KLHL23: variants seen among roughly 807,000 people sequenced by gnomAD.
The protein encoded by KLHL23 is kelch-like protein 23.
A neutral mutation model predicts 48.9 loss-of-function variants in KLHL23; 33 were observed. The observed-to-expected ratio is 0.67, with a 90% confidence interval of 0.51 to 0.90. The LOEUF (loss-of-function observed/expected upper bound fraction) is 0.90. Among genes scored for constraint, KLHL23 ranks in the 40% least tolerant of loss-of-function variants. The pLI is 0.00. For synonymous variants in KLHL23, 234 were observed against 231.6 expected, an observed-to-expected ratio of 1.01 and a Z score of -0.09; for missense variants, 608 against 669.6, an observed-to-expected ratio of 0.91 and a Z score of 1.02.
At chr2:169,734,863 A>G in intron 1 of KLHL23, 150 bp from the exon 2 acceptor site, 1 of 1,065,940 alleles carries the variant, frequency 9.4e-7, no homozygotes, top group Non-Finnish European at 1.3e-6. Flanking sequence ...AAATGATCAA[A>G]CAGTCCATCC....
At position 169,749,231 on chromosome 2, in the gene KLHL23, C is replaced by T. The variant is rs180908521; in HGVS notation, c.1367-191C>T. 7.1e-4 allele frequency among the ~76,000 whole-genome samples: 108 copies of T among 152,178 alleles called. 3 individuals carry two copies. The South Asian group carries it at 0.022, about 31-fold the overall frequency. On this transcript the variant is annotated intron_variant, in intron 3 of 3. Coordinates refer to ENST00000392647, the MANE Select transcript of KLHL23 (RefSeq NM_144711.6). ...ATAATGGCAGCATGGCAGGAACAGG[C>T]GATCTGAATTAGGTGACAGGGAATG...
intron 2 of KLHL23, among the ~76,000 whole-genome samples, chr2:169,736,470 A>G (rs1688520494): frequency 6.6e-6 from 1 of 152,150 alleles, no homozygotes; most frequent in African/African-American, 2.4e-5. Flanking sequence ...ACAGTTTTTC[A>G]TTTTTTCATG....
At chr2:169,736,786 T>C (rs1688530253) in intron 2 of KLHL23, among the ~76,000 whole-genome samples, 1 of 152,194 alleles carries the variant, frequency 6.6e-6, no homozygotes, top group Non-Finnish European at 1.5e-5. Context: ...TTGCTCTCCT[T>C]CTCTCCCACT....
intron 3 of KLHL23, among the ~76,000 whole-genome samples, chr2:169,743,846 A>G (rs1047928031): frequency 6.6e-6 from 1 of 152,228 alleles, no homozygotes; most frequent in Non-Finnish European, 1.5e-5. Context: ...AAGGCTGTGC[A>G]TCTGCATCCA....
Position 169,749,548 on chromosome 2 carries a change from G to A in KLHL23, c.1493G>A (p.Arg498Lys), listed in dbSNP as rs1419047718. The A allele has an allele frequency of 1.9e-6, 3 of 1,614,002 alleles. No homozygotes were observed. Among genetic ancestry groups the A allele is most frequent in the African/African-American group, 2.7e-5 (2 of 74,880 alleles). ...WREIAPMMER[R>K]MECGAVIMNG... is the part of the protein sequence containing the mutation. ...GAGATAGCTCCCATGATGGAAAGGAGGATGGAGTGCGGTGCCGTCATCATG... is the reference window on the plus strand; with the variant it reads ...GAGATAGCTCCCATGATGGAAAGGAAGATGGAGTGCGGTGCCGTCATCATG... The change falls in exon 4 of 4, where the codon AGG (arginine) becomes AAG (lysine). Residue 498 changes from arginine (R) to lysine (K), a missense_variant. By Grantham distance (26) the Arg-to-Lys change is conservative. Transcript: ENST00000392647.
chr2:169,741,867 A>T (rs1688684256), intron 3 of KLHL23, among the ~76,000 whole-genome samples: 1 of 152,234 alleles, frequency 6.6e-6, no homozygotes. Context: ...TACAATGTTC[A>T]TAAGTAGTTG....
At chr2:169,737,660 G>A (rs1365292535) in intron 2 of KLHL23, among the ~76,000 whole-genome samples, 1 of 150,296 alleles carries the variant, frequency 6.7e-6, no homozygotes, top group East Asian at 1.9e-4. Flanking sequence ...TGTCTCCCAG[G>A]CTGGAATGCA....
At chr2:169,741,701 T>G (rs1392151610) in intron 3 of KLHL23, among the ~76,000 whole-genome samples, 164 bp downstream of exon 3, 1 of 152,178 alleles carries the variant, frequency 6.6e-6, no homozygotes, top group African/African-American at 2.4e-5. Flanking sequence ...CTAACAATAA[T>G]CACAATGAGA....
At position 169,741,494 on chromosome 2, in the gene KLHL23, C is replaced by T. The variant is rs377752404; in HGVS notation, c.1323C>T (p.Ser441=). 42 of 1,613,812 alleles carry T rather than the reference C, an allele frequency of 2.6e-5. No homozygotes were observed. Among genetic ancestry groups the T allele is most frequent in the Non-Finnish European group, 3.3e-5 (39 of 1,179,884 alleles). Residue 441 remains serine (S), a synonymous_variant, in exon 3 of 4, where the codon TCC becomes TCT. Coordinates refer to ENST00000392647, the MANE Select transcript of KLHL23 (RefSeq NM_144711.6). ...ATGACAAAGTTCAGAGCTACAATTC[C>T]GATATCAACGAATGGAGCCTCATCA... ...CTYDKVQSYN[S]DINEWSLITS...
chr2:169,734,279 G>C (rs2105638058), intron 1 of KLHL23, among the ~76,000 whole-genome samples, 192 bp downstream of exon 1: 1 of 147,286 alleles, frequency 6.8e-6, no homozygotes, highest in Admixed American at 6.7e-5. Context: ...TGCCTGCGGC[G>C]TCCTTCCCAC....
intron 3 of KLHL23, among the ~76,000 whole-genome samples, chr2:169,743,485 G>A (rs1688722112): frequency 6.6e-6 from 1 of 152,140 alleles, no homozygotes. Flanking sequence ...ATAAAAAACA[G>A]ATTTTAAATC....
At chr2:169,743,795 C>A (rs1688730292) in intron 3 of KLHL23, among the ~76,000 whole-genome samples, 1 of 152,196 alleles carries the variant, frequency 6.6e-6, no homozygotes, top group African/African-American at 2.4e-5. Context: ...TTGCTCCCAG[C>A]TGGCTTTGCT....
Position 169,749,525 on chromosome 2 carries a change from G to C in KLHL23, c.1470G>C (p.Glu490Asp). The C allele has an allele frequency of 6.2e-7, 1 of 1,614,108 alleles. No homozygotes were observed. The highest frequency in any genetic ancestry group is 1.1e-5 in the South Asian group (1 of 91,070). ...ACCCTGAACAAAATGAATGGAGAGAGATAGCTCCCATGATGGAAAGGAGGA... is the reference window on the plus strand; with the variant it reads ...ACCCTGAACAAAATGAATGGAGAGACATAGCTCCCATGATGGAAAGGAGGA... ...CYDPEQNEWREIAPMMERRME... is the reference protein window; with the variant it reads ...CYDPEQNEWRDIAPMMERRME... Residue 490 changes from glutamate (E) to aspartate (D), a missense_variant, in exon 4 of 4, where the codon GAG becomes GAC. Physicochemically the swap from Glu to Asp is conservative, Grantham distance 45. Transcript: ENST00000392647.
chr2:169,742,119 T>C (rs1688690620), intron 3 of KLHL23, among the ~76,000 whole-genome samples: 1 of 152,258 alleles, frequency 6.6e-6, no homozygotes, highest in African/African-American at 2.4e-5. Context: ...TGTGTCTTTG[T>C]GAAGAGCTCA....
At chr2:169,742,357 T>G (rs1242514313) in intron 3 of KLHL23, among the ~76,000 whole-genome samples, 1 of 152,218 alleles carries the variant, frequency 6.6e-6, no homozygotes, top group South Asian at 2.1e-4. Flanking sequence ...GCACTTCATA[T>G]GTGTATTACC....
intron 3 of KLHL23, among the ~76,000 whole-genome samples, chr2:169,748,394 A>G (rs1395244255): frequency 2.0e-5 from 3 of 152,184 alleles, no homozygotes; most frequent in Non-Finnish European, 4.4e-5. Flanking sequence ...TGCACTGACA[A>G]ATCCTCCTCT....
chr2:169,735,973 C>G lies in KLHL23; in HGVS notation c.959C>G (p.Pro320Arg). Residue 320 changes from proline (P) to arginine (R), a missense_variant, in exon 2 of 4, where the codon CCC (proline) becomes CGC (arginine). Transcript: ENST00000392647. This position sits in a 1 kb window ranked among gnomAD's most constrained non-coding sequence, Gnocchi z 4.5. Reference protein sequence around the residue: ...RESYGVTCLGPNIYVTGGYRT... With the variant: ...RESYGVTCLGRNIYVTGGYRT... ...AGCTATGGTGTTACATGTTTAGGAC[C>G]CAACATTTATGTAACTGGGGGCTAC... The G allele has an allele frequency of 6.2e-7, 1 of 1,614,060 alleles. No individual in the cohort carries two copies. The highest frequency in any genetic ancestry group is 8.5e-7 in the Non-Finnish European group (1 of 1,180,010).
intron 3 of KLHL23, among the ~76,000 whole-genome samples, chr2:169,742,999 A>C (rs1172436762): frequency 6.6e-6 from 1 of 152,234 alleles, no homozygotes; most frequent in East Asian, 1.9e-4. Flanking sequence ...TGAGGGTCAA[A>C]GAGATTATAT....
In KLHL23 at chr2:169,745,513, C is replaced by CAAAA. The variant is rs1157957265; in HGVS notation, c.1367-3886_1367-3883dup. Among the ~76,000 whole-genome samples the CAAAA allele has an allele frequency of 5.5e-4, 35 of 63,638 alleles. 2 individuals are homozygous for CAAAA. Among genetic ancestry groups the CAAAA allele is most frequent in the Non-Finnish European group, 7.4e-4 (29 of 39,362 alleles). 41.7% of individuals were successfully genotyped at this position (63,638 alleles called of 152,430 possible). A position where few individuals can be genotyped will look rare whatever the true frequency, so the allele number is the denominator to read the frequency against. ...TGGGTGACAGAGTGAGACTCCGTCT[C>CAAAA]AAAAAAAAAAAAAAAAAAAAAAAAA... On this transcript the variant is annotated intron_variant, in intron 3 of 3. Transcript: ENST00000392647.
Sources: allele counts gnomAD v4.1 joint callset (sites outside exome capture counted in the v4.1 genomes callset), GRCh38; gene constraint gnomAD v4.1.1; non-coding constraint Gnocchi (gnomAD v3.1); transcripts MANE v1.5; gene names NCBI Gene and HGNC (gene_info 2026-07-23, HGNC 2026-07-21).